The following ARF4 variants were observed in gnomAD, a reference collection of about 807,000 sequenced individuals.
ARF4 encodes the protein ADP-ribosylation factor 4.
In ARF4, 5 loss-of-function variants were observed where a neutral mutation model predicts 24.3. The observed-to-expected ratio is 0.21, with a 90% CI of 0.11 to 0.43. The LOEUF (loss-of-function observed/expected upper bound fraction) is 0.43. ARF4 is among the 20% of genes least tolerant of loss of function. ARF4 has a pLI of 1.00. For synonymous variants in ARF4, 62 were observed against 73.5 expected (o/e 0.84, Z 0.80); for missense variants, 107 against 213.0 (o/e 0.50, Z 3.10).
chr3:57,586,481 C>T (rs1316110845), intron 1 of ARF4, among the ~76,000 whole-genome samples: 1 of 152,200 alleles, frequency 6.6e-6, no homozygotes, highest in Non-Finnish European at 1.5e-5. Context: ...ACCCTTTCTA[C>T]TCTGTACCCT....
chr3:57,574,306 T>C (rs1003303541), intron 5 of ARF4, among the ~76,000 whole-genome samples: 1 of 152,202 alleles, frequency 6.6e-6, no homozygotes, highest in African/African-American at 2.4e-5. Flanking sequence ...ATTTACAGGT[T>C]AATGCAAAAC....
chr3:57,586,218 C>T (rs1393531571), intron 1 of ARF4, among the ~76,000 whole-genome samples: 13 of 152,138 alleles, frequency 8.5e-5, no homozygotes, highest in Non-Finnish European at 1.6e-4. Context: ...TCATATCTGG[C>T]CGCCTGGGTT....
chr3:57,581,935 G>A (rs2069977921), intron 3 of ARF4, among the ~76,000 whole-genome samples: 1 of 152,200 alleles, frequency 6.6e-6, no homozygotes, highest in Non-Finnish European at 1.5e-5. Context: ...TAGGTGTACA[G>A]ATTGAGTTTC....
chr3:57,584,060 C>A lies in ARF4; in HGVS notation c.149-53G>T, dbSNP rs540803118. On this transcript the variant is annotated intron_variant, in intron 2 of 5. Transcript: ENST00000303436. Reference sequence around the variant, plus strand: ...GTGCAGCGTCATTAAGAAAATAAAACCTTTTATTGTGGAATTTTCTTAGAA... The same window carrying A: ...GTGCAGCGTCATTAAGAAAATAAAAACTTTTATTGTGGAATTTTCTTAGAA... 29 of 1,230,728 alleles carry A rather than the reference C, an allele frequency of 2.4e-5. No homozygotes were observed. The Admixed American group carries it at 3.5e-4, about 15-fold the overall frequency. 76.2% of individuals were successfully genotyped at this position (1,230,728 alleles called of 1,614,324 possible). A position where few individuals can be genotyped will look rare whatever the true frequency, so the allele number is the denominator to read the frequency against.
chr3:57,588,822 G>A (rs2070069307), intron 1 of ARF4, among the ~76,000 whole-genome samples: 1 of 150,666 alleles, frequency 6.6e-6, no homozygotes, highest in Non-Finnish European at 1.5e-5. Flanking sequence ...CCAGGTGTGA[G>A]TGAGGCACAG....
At chr3:57,583,792 C>T in intron 3 of ARF4, 106 bp downstream of exon 3, 1 of 789,596 alleles carries the variant, frequency 1.3e-6, no homozygotes, top group Non-Finnish European at 2.1e-6. Context: ...AGACAAATGC[C>T]AACTCATAGT....
In ARF4 at chr3:57,590,401, G is replaced by A. The variant is rs1323684680; in HGVS notation, c.68-5937C>T. Among the ~76,000 whole-genome samples, 11 of 151,860 alleles carry A rather than the reference G, an allele frequency of 7.2e-5. No individual in the cohort carries two copies. The South Asian group carries it at 1.2e-3, about 17-fold the overall frequency. ...CTTGGGAGGCTGAGGCAGGAGAATCGCTTGAACCCGGGAGGCGGAGTCTGT... is the reference window on the plus strand; with the variant it reads ...CTTGGGAGGCTGAGGCAGGAGAATCACTTGAACCCGGGAGGCGGAGTCTGT... On this transcript the variant is annotated intron_variant, in intron 1 of 5. Transcript: ENST00000303436.
chr3:57,584,524 T>G, intron 1 of ARF4, 60 bp from the exon 2 acceptor site: 2 of 1,396,834 alleles, frequency 1.4e-6, no homozygotes, highest in Non-Finnish European at 2.0e-6. Context: ...AGAAATAATT[T>G]TACAATAAAT....
intron 1 of ARF4, among the ~76,000 whole-genome samples, chr3:57,595,758 G>A (rs2070173566): frequency 6.6e-6 from 1 of 152,098 alleles, no homozygotes; most frequent in Admixed American, 6.6e-5. Flanking sequence ...AGACCAGACT[G>A]GCCAACGTGG....
At chr3:57,591,174 G>C (rs2153409374) in intron 1 of ARF4, among the ~76,000 whole-genome samples, 1 of 152,256 alleles carries the variant, frequency 6.6e-6, no homozygotes, top group Admixed American at 6.5e-5. Flanking sequence ...TCCTCAAAAT[G>C]TTCAAGACGG....
Position 57,597,321 on chromosome 3 carries a change from C to T in ARF4, c.-181G>A, listed in dbSNP as rs185299483. On this transcript the variant is annotated 5_prime_UTR_variant, in exon 1 of 6. Transcript: ENST00000303436. ...ATGAAGATCCGGCACAGGAATAAGC[C>T]GGTAGAGGACCTGCTAGGCGACTGG... 7.0e-6 allele frequency: 4 copies of T among 568,234 alleles called. No individual in the cohort carries two copies. The highest frequency in any genetic ancestry group is 1.3e-5 in the Non-Finnish European group (4 of 319,372). The allele number at this position is 568,234 out of a possible 1,614,324, so 35.2% of individuals were successfully genotyped here.
intron 1 of ARF4, among the ~76,000 whole-genome samples, chr3:57,591,063 G>C (rs1283789630): frequency 6.6e-6 from 1 of 152,022 alleles, no homozygotes; most frequent in African/African-American, 2.4e-5. Context: ...AGAAACAGAA[G>C]AACAGATATT....
At chr3:57,596,146 C>T (rs1037002594) in intron 1 of ARF4, among the ~76,000 whole-genome samples, 3 of 152,098 alleles carry the variant, frequency 2.0e-5, no homozygotes, top group African/African-American at 7.2e-5. Context: ...GCCCTTCTCC[C>T]TCAGCTGAGC....
chr3:57,584,986 C>T (rs1454245924), intron 1 of ARF4, among the ~76,000 whole-genome samples: 1 of 152,080 alleles, frequency 6.6e-6, no homozygotes, highest in African/African-American at 2.4e-5. Context: ...GCCTCAGCCT[C>T]CCAAGTAGCT....
chr3:57,593,211 A>AAAAAAT (rs1179999776), intron 1 of ARF4, among the ~76,000 whole-genome samples: 1 of 152,280 alleles, frequency 6.6e-6, no homozygotes, highest in Non-Finnish European at 1.5e-5. Context: ...ACCCTGTCTC[A>AAAAAAT]AAAAATAAAA....
At chr3:57,581,837 T>C (rs1012978528) in intron 3 of ARF4, among the ~76,000 whole-genome samples, 9 of 152,084 alleles carry the variant, frequency 5.9e-5, no homozygotes, top group Non-Finnish European at 1.2e-4. Flanking sequence ...ACATTAGAGA[T>C]GAGTATGAAA....
At position 57,581,669 on chromosome 3, in the gene ARF4, G is replaced by A. The variant is rs187423621; in HGVS notation, c.258+2229C>T. Among the ~76,000 whole-genome samples, 25 of 152,204 alleles carry A rather than the reference G, an allele frequency of 1.6e-4. No homozygotes were observed. The South Asian group carries it at 2.9e-3, about 18-fold the overall frequency. On this transcript the variant is annotated intron_variant, in intron 3 of 5. Transcript: ENST00000303436. ...TACAAAATTAGCCAGGTGTGGTGGC[G>A]CATGCCTGAAGTCCCAGCTACTTGG... is the stretch of plus-strand genomic sequence containing the variant.
intron 3 of ARF4, among the ~76,000 whole-genome samples, chr3:57,582,967 T>C (rs1298461299): frequency 6.6e-6 from 1 of 152,122 alleles, no homozygotes; most frequent in Non-Finnish European, 1.5e-5. Context: ...ATTTTGCAGG[T>C]GTGGAGAGAT....
intron 1 of ARF4, among the ~76,000 whole-genome samples, chr3:57,588,786 G>A (rs529121734): frequency 7.0e-6 from 1 of 142,440 alleles, no homozygotes; most frequent in Non-Finnish European, 1.5e-5. Context: ...GCAAAACCCT[G>A]TCACTACAAA....
Sources: allele counts gnomAD v4.1 joint callset (sites outside exome capture counted in the v4.1 genomes callset), GRCh38; gene constraint gnomAD v4.1.1; transcripts MANE v1.5; gene names NCBI Gene and HGNC (gene_info 2026-07-23, HGNC 2026-07-21).